Variants in ZC3H3 observed in about 807,000 individuals in gnomAD.
ZC3H3 encodes the protein zinc finger CCCH-type containing 3, also known as zinc finger CCCH domain-containing protein 3.
In ZC3H3, 36 loss-of-function variants were observed where a neutral mutation model predicts 77.3. The ratio of observed to expected loss-of-function variants is 0.47; its 90% confidence interval spans 0.36 to 0.61. ZC3H3 has a LOEUF of 0.61. Ranked by LOEUF, ZC3H3 falls within the 20% of genes least tolerant of loss-of-function variation. The pLI is 0.00. For synonymous variants in ZC3H3, 626 were observed against 555.2 expected (o/e 1.13, Z -1.79); for missense variants, 1,331 against 1,312.2 (o/e 1.01, Z -0.22).
chr8:143,443,761 G>T (rs1450028550), intron 9 of ZC3H3, among the ~76,000 whole-genome samples: 4 of 152,232 alleles, frequency 2.6e-5, no homozygotes, highest in Admixed American at 1.3e-4. Flanking sequence ...CGCTAAGCGT[G>T]TAACTAAAGA....
rs924346793 is a variant in ZC3H3, at chr8:143,530,414, C to T, written c.1561+5843G>A. On this transcript the variant is annotated intron_variant, in intron 3 of 11. Coordinates refer to ENST00000262577, the MANE Select transcript of ZC3H3 (RefSeq NM_015117.3). This position sits in a 1 kb window ranked among gnomAD's most constrained non-coding sequence, Gnocchi z 4.3. ...CAGCAGATGACGACACCACTGCCTA[C>T]CCACCTACCATGACTTTTCCCTGGC... 2.0e-5 allele frequency among the ~76,000 whole-genome samples: 3 copies of T among 152,190 alleles called. No homozygotes were observed. The highest frequency in any genetic ancestry group is 7.2e-5 in the African/African-American group (3 of 41,446).
intron 4 of ZC3H3, among the ~76,000 whole-genome samples, chr8:143,482,291 G>A (rs1405548268): frequency 6.6e-6 from 1 of 152,254 alleles, no homozygotes; most frequent in African/African-American, 2.4e-5. Context: ...CACAGCACTG[G>A]GGAGGCCGGC....
At chr8:143,488,538 C>G (rs1000246067) in intron 4 of ZC3H3, among the ~76,000 whole-genome samples, 2 of 149,326 alleles carry the variant, frequency 1.3e-5, no homozygotes, top group East Asian at 3.9e-4. Context: ...CAGAACAGCA[C>G]CCGCTACACG....
intron 4 of ZC3H3, among the ~76,000 whole-genome samples, chr8:143,479,282 T>C (rs1408495226): frequency 6.6e-6 from 1 of 152,166 alleles, no homozygotes; most frequent in Admixed American, 6.5e-5. Flanking sequence ...CTTGTAGCTT[T>C]TCACGGCCGT....
In ZC3H3 at chr8:143,536,246, TC is replaced by T; in HGVS notation, c.1561+10del. On this transcript the variant is annotated intron_variant, in intron 3 of 11. Coordinates refer to ENST00000262577, the MANE Select transcript of ZC3H3 (RefSeq NM_015117.3). ...CAGCCCCAGTGCCCAGCGCCCCTGC[TC>T]CCAGCATACCTTCCTTGGTGGGGAG... 6.2e-7 allele frequency: 1 copy of T among 1,607,636 alleles called. No individual in the cohort carries two copies. Among genetic ancestry groups the T allele is most frequent in the Admixed American group, 1.7e-5 (1 of 59,560 alleles).
intron 8 of ZC3H3, 31 bp downstream of exon 8, chr8:143,468,178 A>G (rs777595491): frequency 1.3e-6 from 2 of 1,599,466 alleles, no homozygotes; most frequent in South Asian, 2.2e-5. Flanking sequence ...AGAAAGGTGC[A>G]CGGGAGCAGG....
chr8:143,496,245 G>A (rs1163397288), intron 4 of ZC3H3, among the ~76,000 whole-genome samples: 3 of 152,172 alleles, frequency 2.0e-5, no homozygotes, highest in Non-Finnish European at 2.9e-5. Context: ...ACTCAAGAGG[G>A]CAGCAGCGTG....
At chr8:143,465,667 C>T (rs758508085) in intron 9 of ZC3H3, 50 bp downstream of exon 9, 2 of 1,605,494 alleles carry the variant, frequency 1.2e-6, no homozygotes, top group Non-Finnish European at 1.7e-6. Context: ...GAGCAGAGGA[C>T]CAACAAGCCA....
chr8:143,470,395 G>A (rs1315545630), intron 5 of ZC3H3, among the ~76,000 whole-genome samples: 2 of 152,230 alleles, frequency 1.3e-5, no homozygotes, highest in Non-Finnish European at 2.9e-5. Flanking sequence ...AAGGGAGGGT[G>A]ATGAGGGTCT....
At chr8:143,452,866 C>G (rs560795879) in intron 9 of ZC3H3, among the ~76,000 whole-genome samples, 2 of 152,250 alleles carry the variant, frequency 1.3e-5, no homozygotes, top group African/African-American at 4.8e-5. Context: ...ACTGGAGATG[C>G]AGAAACAGAG....
chr8:143,527,661 A>C (rs1459567953), intron 3 of ZC3H3, among the ~76,000 whole-genome samples: 1 of 152,128 alleles, frequency 6.6e-6, no homozygotes, highest in African/African-American at 2.4e-5. Context: ...TCCAGATCTA[A>C]CTGCTCTCAT....
chr8:143,485,347 C>T (rs1192327450), intron 4 of ZC3H3, among the ~76,000 whole-genome samples: 3 of 152,194 alleles, frequency 2.0e-5, no homozygotes, highest in Non-Finnish European at 4.4e-5. Context: ...GAAGAGTAAG[C>T]ATTCAGGAAT....
intron 4 of ZC3H3, among the ~76,000 whole-genome samples, chr8:143,505,768 G>A (rs1272161436): frequency 6.6e-6 from 1 of 152,208 alleles, no homozygotes; most frequent in Non-Finnish European, 1.5e-5. Context: ...TGGAGCCCAT[G>A]GCCACCAACC....
intron 3 of ZC3H3, among the ~76,000 whole-genome samples, chr8:143,510,615 C>T (rs982949123): frequency 6.6e-6 from 1 of 152,196 alleles, no homozygotes; most frequent in East Asian, 1.9e-4. Context: ...GGGTGTGCAG[C>T]GATGGCGTGG....
intron 11 of ZC3H3, among the ~76,000 whole-genome samples, chr8:143,439,475 A>G (rs1166990115): frequency 6.6e-6 from 1 of 152,224 alleles, no homozygotes; most frequent in African/African-American, 2.4e-5. Context: ...GGTCGTTTGC[A>G]GCCATAAAAT....
At chr8:143,486,593 G>A (rs1210384225) in intron 4 of ZC3H3, among the ~76,000 whole-genome samples, 1 of 152,128 alleles carries the variant, frequency 6.6e-6, no homozygotes, top group Non-Finnish European at 1.5e-5. Context: ...GAACTTGGTG[G>A]GGGACACAAT....
chr8:143,467,541 G>A (rs1036224276), intron 8 of ZC3H3, among the ~76,000 whole-genome samples: 1 of 152,214 alleles, frequency 6.6e-6, no homozygotes, highest in African/African-American at 2.4e-5. Flanking sequence ...CAGCACCCCT[G>A]CCCAACACCG....
chr8:143,538,053 A>G lies in ZC3H3; in HGVS notation c.1314T>C (p.Ala438=), dbSNP rs766183067. The G allele has an allele frequency of 6.2e-7, 1 of 1,612,232 alleles. No homozygotes were observed. The highest frequency in any genetic ancestry group is 8.5e-7 in the Non-Finnish European group (1 of 1,179,632). Residue 438 remains alanine, a synonymous_variant, in exon 2 of 12, where the codon GCT becomes GCC. Transcript: ENST00000262577. ...KPLSGETPLS[A]YKVKSRTKII... ...TCTTGGTGCGGCTCTTCACTTTGTA[A>G]GCCGAGAGCGGGGTCTCCCCAGAGA... is the stretch of plus-strand genomic sequence containing the variant.
intron 4 of ZC3H3, among the ~76,000 whole-genome samples, chr8:143,489,610 ACT>A: frequency 6.6e-6 from 1 of 152,328 alleles, no homozygotes; most frequent in South Asian, 2.1e-4. Context: ...CACTGAGGGT[ACT>A]GAGCTGGGCC....
Sources: gnomAD v4.1 joint callset for allele counts (sites outside exome capture counted in the v4.1 genomes callset) on GRCh38, gnomAD v4.1.1 for gene constraint, Gnocchi (gnomAD v3.1) non-coding constraint, MANE v1.5 for transcripts, NCBI Gene and HGNC (gene_info 2026-07-23, HGNC 2026-07-21) for gene names.